Variants in RGS7BP observed in about 807,000 individuals in gnomAD.
The protein encoded by RGS7BP is regulator of G protein signaling 7 binding protein.
RGS7BP carries 9 observed loss-of-function variants against 31.3 expected under a neutral mutation model. The observed-to-expected ratio is 0.29, with a 90% CI of 0.17 to 0.50. The LOEUF (loss-of-function observed/expected upper bound fraction) is 0.50, where lower values mean the gene tolerates loss of function less well. Ranked by LOEUF, RGS7BP falls within the 20% of genes least tolerant of loss-of-function variation. RGS7BP has a pLI of 0.98. For synonymous variants in RGS7BP, 115 were observed against 120.1 expected, an observed-to-expected ratio of 0.96 and a Z score of 0.28; for missense variants, 274 against 322.0, an observed-to-expected ratio of 0.85 and a Z score of 1.14.
chr5:64,563,908 C>G (rs1456290477), intron 2 of RGS7BP, among the ~76,000 whole-genome samples: 1 of 152,122 alleles, frequency 6.6e-6, no homozygotes, highest in Admixed American at 6.5e-5. Context: ...TTAGTCTAAA[C>G]ATTTCTGCAC....
intron 2 of RGS7BP, among the ~76,000 whole-genome samples, chr5:64,543,994 C>T (rs532807427): frequency 6.6e-6 from 1 of 152,280 alleles, no homozygotes; most frequent in East Asian, 1.9e-4. Flanking sequence ...TCCAGAAATG[C>T]CAAAAAGATG....
intron 2 of RGS7BP, among the ~76,000 whole-genome samples, chr5:64,536,274 G>A (rs928007439): frequency 6.6e-6 from 1 of 152,206 alleles, no homozygotes; most frequent in Non-Finnish European, 1.5e-5. Context: ...CTGGGAGCAA[G>A]AGCTTGTGAG....
chr5:64,506,764 A>G lies in RGS7BP; in HGVS notation c.140A>G (p.Gln47Arg). ...GSGSESAHKT[Q>R]RALDDCKMLV... is the part of the protein sequence containing the mutation. ...GGCTCCGAGAGCGCCCACAAAACCC[A>G]ACGAGCCCTGGACGACTGCAAGATG... Residue 47 changes from glutamine (Q) to arginine (R), a missense_variant, in exon 1 of 6, where the codon CAA becomes CGA. By Grantham distance (43) the Gln-to-Arg change is conservative. Coordinates refer to ENST00000334025, the MANE Select transcript of RGS7BP (RefSeq NM_001029875.3). The surrounding 1 kb of genome is among the most constrained non-coding windows in gnomAD (Gnocchi z 4.6). 1.3e-6 allele frequency: 2 copies of G among 1,599,014 alleles called. No individual in the cohort carries two copies. Among genetic ancestry groups the G allele is most frequent in the Non-Finnish European group, 8.5e-7 (1 of 1,169,972 alleles).
chr5:64,541,860 T>G (rs1489782310), intron 2 of RGS7BP, among the ~76,000 whole-genome samples: 1 of 152,216 alleles, frequency 6.6e-6, no homozygotes, highest in Non-Finnish European at 1.5e-5. Context: ...TCTCTGCTGG[T>G]TCTTCTTTTG....
chr5:64,578,759 T>A (rs991932356), intron 3 of RGS7BP, among the ~76,000 whole-genome samples: 1 of 152,348 alleles, frequency 6.6e-6, no homozygotes, highest in Non-Finnish European at 1.5e-5. Flanking sequence ...ATCTGTGTGA[T>A]GGCTCATACA....
intron 2 of RGS7BP, among the ~76,000 whole-genome samples, chr5:64,534,720 A>G (rs893388277): frequency 2.9e-4 from 44 of 152,338 alleles, no homozygotes; most frequent in African/African-American, 1.0e-3. Flanking sequence ...GCATCCATTA[A>G]TACCCATTAA....
chr5:64,506,611 G>A lies in RGS7BP; in HGVS notation c.-14G>A. On this transcript the variant is annotated 5_prime_UTR_variant, in exon 1 of 6. The change creates a new upstream start codon in the 5' untranslated region. Transcript: ENST00000334025. This position sits in a 1 kb window ranked among gnomAD's most constrained non-coding sequence, Gnocchi z 4.6. ...GCACTGCACCAGCGGCTTCGGCTTGGTGGATGTGTATGCATGAGTTCTGCA... is the reference window on the plus strand; with the variant it reads ...GCACTGCACCAGCGGCTTCGGCTTGATGGATGTGTATGCATGAGTTCTGCA... 1.3e-6 allele frequency: 2 copies of A among 1,577,520 alleles called. No individual in the cohort carries two copies. Among genetic ancestry groups the A allele is most frequent in the Non-Finnish European group, 1.7e-6 (2 of 1,152,634 alleles).
intron 2 of RGS7BP, among the ~76,000 whole-genome samples, chr5:64,529,675 CAAGTTTGAG>C (rs1247066018): frequency 6.6e-5 from 10 of 152,150 alleles, no homozygotes; most frequent in Non-Finnish European, 1.3e-4. Flanking sequence ...GATATGCAGA[CAAGTTTGAG>C]AACCACTGGC....
In RGS7BP at chr5:64,512,972, T is replaced by C. The variant is rs188679673; in HGVS notation, c.332+5095T>C. ...GCTATATGTCATTGGACAAGTCTGT[T>C]AAATTCTCTGCACGCCAAAATGACA... On this transcript the variant is annotated intron_variant, in intron 2 of 5. Coordinates refer to ENST00000334025, the MANE Select transcript of RGS7BP (RefSeq NM_001029875.3). Among the ~76,000 whole-genome samples, 22 of 152,366 alleles carry C rather than the reference T, an allele frequency of 1.4e-4. No homozygotes were observed. In the East Asian group the frequency reaches 4.2e-3, roughly 29 times the overall value.
intron 2 of RGS7BP, among the ~76,000 whole-genome samples, chr5:64,533,337 A>G (rs1420487978): frequency 2.0e-5 from 3 of 152,200 alleles, no homozygotes; most frequent in Non-Finnish European, 4.4e-5. Context: ...TGAAGACTCT[A>G]ATGCTAGATC....
chr5:64,596,129 G>T (rs531532965), intron 4 of RGS7BP, among the ~76,000 whole-genome samples: 8 of 152,312 alleles, frequency 5.3e-5, no homozygotes, highest in African/African-American at 1.9e-4. Context: ...GCAGACCTTA[G>T]ACAGCAGCTA....
At chr5:64,579,769 CATTTTTTA>C (rs1220635384) in intron 3 of RGS7BP, among the ~76,000 whole-genome samples, 1 of 151,824 alleles carries the variant, frequency 6.6e-6, no homozygotes, top group Admixed American at 6.6e-5. Context: ...TTAAAGAAAT[CATTTTTTA>C]ATTTTTTAGT....
chr5:64,570,516 C>A (rs975211734), intron 2 of RGS7BP, among the ~76,000 whole-genome samples: 1 of 152,102 alleles, frequency 6.6e-6, no homozygotes, highest in South Asian at 2.1e-4. Flanking sequence ...TAGGGACAGA[C>A]CATTAAAATA....
rs145630402 is a variant in RGS7BP at position 64,556,615 on chromosome 5, A to G, written c.333-19159A>G. ...AAAATGACTTTAATGTCGCCATAAT[A>G]CTGTTTTCTCATCTTCAAAGAGCAA... On this transcript the variant is annotated intron_variant, in intron 2 of 5. Transcript: ENST00000334025. Among the ~76,000 whole-genome samples the G allele has an allele frequency of 6.9e-3, 1,043 of 152,210 alleles. 7 individuals carry two copies. The highest frequency in any genetic ancestry group is 0.01 in the Non-Finnish European group (711 of 68,000).
At chr5:64,509,338 T>C (rs1748771653) in intron 2 of RGS7BP, among the ~76,000 whole-genome samples, 2 of 152,216 alleles carry the variant, frequency 1.3e-5, no homozygotes, top group African/African-American at 4.8e-5. Flanking sequence ...AAACTTTGTG[T>C]CCTAGATTAT....
At chr5:64,552,729 T>A (rs1256812119) in intron 2 of RGS7BP, among the ~76,000 whole-genome samples, 1 of 152,210 alleles carries the variant, frequency 6.6e-6, no homozygotes. Flanking sequence ...TTTTGTCAAT[T>A]TAGAGGCTTT....
chr5:64,585,499 T>C (rs1184685305), intron 3 of RGS7BP, among the ~76,000 whole-genome samples: 1 of 150,930 alleles, frequency 6.6e-6, no homozygotes, highest in Admixed American at 6.6e-5. Context: ...ATGGGAGAAA[T>C]AAGAGATGAG....
intron 3 of RGS7BP, among the ~76,000 whole-genome samples, 179 bp from the exon 4 acceptor site, chr5:64,594,531 A>G (rs1377704070): frequency 6.6e-6 from 1 of 152,190 alleles, no homozygotes; most frequent in Non-Finnish European, 1.5e-5. Flanking sequence ...TGCTATACAC[A>G]CAAACACACA....
At chr5:64,582,451 C>T (rs1742626092) in intron 3 of RGS7BP, among the ~76,000 whole-genome samples, 1 of 152,212 alleles carries the variant, frequency 6.6e-6, no homozygotes, top group Non-Finnish European at 1.5e-5. Context: ...TTTTTGTTCT[C>T]ATTTTACCTT....
Sources: gnomAD v4.1 joint callset for allele counts (sites outside exome capture counted in the v4.1 genomes callset) on GRCh38, gnomAD v4.1.1 for gene constraint, Gnocchi (gnomAD v3.1) non-coding constraint, MANE v1.5 for transcripts, NCBI Gene and HGNC (gene_info 2026-07-23, HGNC 2026-07-21) for gene names.